Variants in PRDM6 observed in about 807,000 individuals in gnomAD.
The protein encoded by PRDM6 is putative histone-lysine N-methyltransferase PRDM6.
In PRDM6, 25 loss-of-function variants were observed where a neutral mutation model predicts 60.8. That is an observed-to-expected ratio of 0.41 (90% CI 0.30 to 0.57). PRDM6 has a LOEUF of 0.57. PRDM6 is among the 20% of genes least tolerant of loss of function. The pLI is 0.27. For synonymous variants in PRDM6, 407 were observed against 357.4 expected, an observed-to-expected ratio of 1.14 and a Z score of -1.57; for missense variants, 839 against 821.3, an observed-to-expected ratio of 1.02 and a Z score of -0.26.
chr5:123,114,097 CAG>C (rs1304196036), intron 3 of PRDM6, among the ~76,000 whole-genome samples: 1 of 152,122 alleles, frequency 6.6e-6, no homozygotes, highest in African/African-American at 2.4e-5. Context: ...GACTTCCCGC[CAG>C]AAAGATTAGG....
intron 2 of PRDM6, among the ~76,000 whole-genome samples, chr5:123,098,588 G>A (rs1764015914): frequency 1.3e-5 from 2 of 152,232 alleles, no homozygotes; most frequent in South Asian, 2.1e-4. Flanking sequence ...CGCCCGGCCC[G>A]GAGGGTGGGG....
At chr5:123,172,255 TAATC>T (rs1021523107) in intron 6 of PRDM6, among the ~76,000 whole-genome samples, 35 of 152,150 alleles carry the variant, frequency 2.3e-4, no homozygotes, top group Non-Finnish European at 4.7e-4. Context: ...AAAATAATAA[TAATC>T]AATTACAGGA....
intron 3 of PRDM6, among the ~76,000 whole-genome samples, chr5:123,142,903 C>CCA (rs1765143929): frequency 2.9e-5 from 2 of 68,128 alleles, no homozygotes; most frequent in Admixed American, 1.6e-4. Flanking sequence ...AAAAAAAAAA[C>CCA]AAACAAACCA....
chr5:123,152,288 A>T (rs952599594), intron 3 of PRDM6, among the ~76,000 whole-genome samples: 44 of 152,316 alleles, frequency 2.9e-4, no homozygotes, highest in African/African-American at 8.9e-4. Context: ...CATGTAAGAC[A>T]GTAGAGAGGT....
chr5:123,098,317 T>A (rs1764006125), intron 2 of PRDM6, among the ~76,000 whole-genome samples: 1 of 152,202 alleles, frequency 6.6e-6, no homozygotes, highest in Non-Finnish European at 1.5e-5. Flanking sequence ...CTCAGTGCCA[T>A]AAGCCTGACA....
At chr5:123,111,749 G>A (rs998083000) in intron 3 of PRDM6, among the ~76,000 whole-genome samples, 1 of 150,574 alleles carries the variant, frequency 6.6e-6, no homozygotes, top group African/African-American at 2.4e-5. Flanking sequence ...TCTCTTCCTT[G>A]CCCCTTGTGG....
At chr5:123,165,962 C>T (rs1373042846) in intron 5 of PRDM6, among the ~76,000 whole-genome samples, 1 of 152,142 alleles carries the variant, frequency 6.6e-6, no homozygotes, top group Non-Finnish European at 1.5e-5. Context: ...TCTCCAGAAA[C>T]ATTTTCTATG....
At chr5:123,095,659 T>TG (rs1763940778) in intron 2 of PRDM6, among the ~76,000 whole-genome samples, 1 of 152,060 alleles carries the variant, frequency 6.6e-6, no homozygotes, top group Admixed American at 6.5e-5. Context: ...ACAGCCGGGG[T>TG]GGATAGTGGC....
In PRDM6 at chr5:123,090,178, C is replaced by CGCCGCT. The variant is rs1416278340; in HGVS notation, c.167_168insGCTGCC (p.Pro56_Pro57insLeuPro). On this transcript the variant is annotated inframe_insertion, in exon 2 of 8. Coordinates refer to ENST00000407847, the MANE Select transcript of PRDM6 (RefSeq NM_001136239.4). ...CCGCAGCCTCTTCAGCCGCCGCCGC[C>CGCCGCT]GCCCCCGCCCCCGGAGCGCGCTGAG... The CGCCGCT allele has an allele frequency of 6.7e-7, 1 of 1,485,428 alleles. No individual in the cohort carries two copies. Among genetic ancestry groups the CGCCGCT allele is most frequent in the Non-Finnish European group, 8.9e-7 (1 of 1,121,898 alleles). 92.0% of individuals were successfully genotyped at this position (1,485,428 alleles called of 1,614,324 possible).
intron 3 of PRDM6, among the ~76,000 whole-genome samples, chr5:123,127,041 C>CT (rs1161596698): frequency 0.011 from 1,518 of 144,114 alleles, 25 homozygotes; most frequent in African/African-American, 0.03. Flanking sequence ...CAACACTTAA[C>CT]TTTTTTTTTT....
intron 6 of PRDM6, among the ~76,000 whole-genome samples, chr5:123,177,396 T>C (rs1337155670): frequency 6.6e-6 from 1 of 152,188 alleles, no homozygotes; most frequent in East Asian, 1.9e-4. Flanking sequence ...CCTTCAGTTC[T>C]AAATTCTATA....
At chr5:123,092,725 C>T (rs996279996) in intron 2 of PRDM6, among the ~76,000 whole-genome samples, 2 of 152,150 alleles carry the variant, frequency 1.3e-5, no homozygotes, top group Non-Finnish European at 2.9e-5. Flanking sequence ...ATTAGAGTTA[C>T]ACCCCACGTT....
chr5:123,121,888 G>C (rs1292105495), intron 3 of PRDM6, among the ~76,000 whole-genome samples: 1 of 149,556 alleles, frequency 6.7e-6, no homozygotes, highest in Non-Finnish European at 1.5e-5. Flanking sequence ...CTGAGGCTGG[G>C]TGCGGTGGCT....
In PRDM6 at chr5:123,119,455, C is replaced by A. The variant is rs1429947457; in HGVS notation, c.900+19494C>A. On this transcript the variant is annotated intron_variant, in intron 3 of 7. Coordinates refer to ENST00000407847, the MANE Select transcript of PRDM6 (RefSeq NM_001136239.4). Reference sequence around the variant, plus strand: ...GCCCACTGCAGGAAGGGCTTACAGTCCTGCCACCTTCAGGGCGGCTCTGTG... The same window carrying A: ...GCCCACTGCAGGAAGGGCTTACAGTACTGCCACCTTCAGGGCGGCTCTGTG... Among the ~76,000 whole-genome samples the A allele has an allele frequency of 3.3e-5, 5 of 152,188 alleles. No homozygotes were observed. The East Asian group carries it at 7.7e-4, about 23-fold the overall frequency.
At chr5:123,122,251 A>C (rs1008437513) in intron 3 of PRDM6, among the ~76,000 whole-genome samples, 1 of 151,910 alleles carries the variant, frequency 6.6e-6, no homozygotes, top group Non-Finnish European at 1.5e-5. Context: ...CTGATGGCAG[A>C]CATTTTATAA....
At chr5:123,103,193 G>A (rs1764139752) in intron 3 of PRDM6, among the ~76,000 whole-genome samples, 1 of 151,942 alleles carries the variant, frequency 6.6e-6, no homozygotes, top group African/African-American at 2.4e-5. Context: ...AATTCCAAGA[G>A]AGTTGTTTTT....
At chr5:123,134,770 A>T (rs1169612122) in intron 3 of PRDM6, among the ~76,000 whole-genome samples, 1 of 152,182 alleles carries the variant, frequency 6.6e-6, no homozygotes, top group East Asian at 1.9e-4. Context: ...AGCTCCCAGG[A>T]ATTAATTCTT....
At position 123,127,340 on chromosome 5, in the gene PRDM6, A is replaced by C. The variant is rs1407459727; in HGVS notation, c.900+27379A>C. ...GGCATGAGCCACCGTGCCTGGCCCC[A>C]ACACTTACTTTGTTTTACTCCTATT... On this transcript the variant is annotated intron_variant, in intron 3 of 7. Coordinates refer to ENST00000407847, the MANE Select transcript of PRDM6 (RefSeq NM_001136239.4). Among the ~76,000 whole-genome samples, 5 of 152,164 alleles carry C rather than the reference A, an allele frequency of 3.3e-5. No homozygotes were observed. In the East Asian group the frequency reaches 9.6e-4, roughly 29 times the overall value.
At chr5:123,151,612 A>G (rs1765370890) in intron 3 of PRDM6, among the ~76,000 whole-genome samples, 1 of 152,100 alleles carries the variant, frequency 6.6e-6, no homozygotes, top group Admixed American at 6.5e-5. Context: ...TGGGGTTGGA[A>G]CAGATGGTCT....
Sources: gnomAD v4.1 joint callset for allele counts (sites outside exome capture counted in the v4.1 genomes callset) on GRCh38, gnomAD v4.1.1 for gene constraint, MANE v1.5 for transcripts, NCBI Gene and HGNC (gene_info 2026-07-23, HGNC 2026-07-21) for gene names.